Variants in FAM171A1 observed in about 807,000 individuals in gnomAD.
FAM171A1 encodes protein FAM171A1.
A neutral mutation model predicts 74.9 loss-of-function variants in FAM171A1; 23 were observed. That is an observed-to-expected ratio of 0.31 (90% CI 0.22 to 0.44). The LOEUF is 0.44. FAM171A1 is among the 20% of genes least tolerant of loss of function. The probability of loss-of-function intolerance (pLI) is 1.00; values close to 1 mark genes in which losing one functional copy is unlikely to be tolerated. For synonymous variants in FAM171A1, 527 were observed against 505.7 expected (o/e 1.04, Z -0.57); for missense variants, 1,162 against 1,159.2 (o/e 1.00, Z -0.03).
chr10:15,266,693 C>G (rs1026516865), intron 3 of FAM171A1, among the ~76,000 whole-genome samples: 5 of 151,742 alleles, frequency 3.3e-5, no homozygotes, highest in Admixed American at 1.3e-4. Flanking sequence ...TAGCGAGACC[C>G]CCGTCTCTAC....
rs201423446 is a variant in FAM171A1 at position 15,214,517 on chromosome 10, C to T, written c.1071G>A (p.Thr357=). 2.7e-5 allele frequency: 43 copies of T among 1,614,196 alleles called. No individual in the cohort carries two copies. The highest frequency in any genetic ancestry group is 1.6e-4 in the Middle Eastern group (1 of 6,062). Residue 357 remains threonine, a synonymous_variant, in exon 8 of 8, where the codon ACG becomes ACA. Coordinates refer to ENST00000378116, the MANE Select transcript of FAM171A1 (RefSeq NM_001010924.2). ...ACAGCAAGTTAATGTGTGACATGGA[C>T]GTGGACTGGTCTCTTTTGGAACTCT... ...GLESSKRDQS[T]SMSHINLLFS...
intron 1 of FAM171A1, among the ~76,000 whole-genome samples, chr10:15,363,250 G>A (rs1002487233): frequency 6.6e-6 from 1 of 152,210 alleles, no homozygotes; most frequent in Non-Finnish European, 1.5e-5. Flanking sequence ...CGGGCAAAAG[G>A]GACATACTTC....
intron 1 of FAM171A1, among the ~76,000 whole-genome samples, chr10:15,331,854 T>C (rs1835638495): frequency 5.0e-5 from 1 of 20,086 alleles, no homozygotes; most frequent in Non-Finnish European, 8.8e-5. Context: ...TGTATATATA[T>C]GTGTGTATAT....
intron 2 of FAM171A1, among the ~76,000 whole-genome samples, chr10:15,283,014 G>A (rs758370080): frequency 1.3e-5 from 2 of 152,200 alleles, no homozygotes; most frequent in African/African-American, 2.4e-5. Flanking sequence ...TGGTGTCCCA[G>A]CAGCAATTTG....
At chr10:15,371,935 GAA>G (rs1262357818), upstream of FAM171A1, among the ~76,000 whole-genome samples, 4 of 152,174 alleles carry the variant, frequency 2.6e-5, no homozygotes, top group Non-Finnish European at 4.4e-5. Flanking sequence ...AATACAGCAG[GAA>G]CAAGTGGGGA....
chr10:15,283,573 T>G (rs1257823606), intron 2 of FAM171A1, among the ~76,000 whole-genome samples: 1 of 152,086 alleles, frequency 6.6e-6, no homozygotes, highest in Non-Finnish European at 1.5e-5. Flanking sequence ...AATCTGTATG[T>G]TTTTATTTAT....
rs116093419 is a variant in FAM171A1, at chr10:15,254,066, C to T, written c.577+655G>A. Among the ~76,000 whole-genome samples, 441 of 152,328 alleles carry T rather than the reference C, an allele frequency of 2.9e-3. 4 individuals carry two copies. Among genetic ancestry groups the T allele is most frequent in the African/African-American group, 0.01 (418 of 41,582 alleles). The stretch of plus-strand genomic sequence containing the variant: ...TGCCAGGAGAGGGCGGATTCTAAAG[C>T]AAATTCAAAGCCTGGCCACTCTATG... On this transcript the variant is annotated intron_variant, in intron 4 of 7. Coordinates refer to ENST00000378116, the MANE Select transcript of FAM171A1 (RefSeq NM_001010924.2).
intron 3 of FAM171A1, among the ~76,000 whole-genome samples, chr10:15,260,302 C>T (rs1834639306): frequency 6.6e-6 from 1 of 152,164 alleles, no homozygotes; most frequent in African/African-American, 2.4e-5. Context: ...TGTCCTGTAT[C>T]ATAATTATTT....
In FAM171A1 at chr10:15,212,842, A is replaced by G. The variant is rs1833908144; in HGVS notation, c.*73T>C. The G allele has an allele frequency of 1.3e-6, 2 of 1,566,414 alleles. No homozygotes were observed. Among genetic ancestry groups the G allele is most frequent in the East Asian group, 4.5e-5 (2 of 44,656 alleles). On this transcript the variant is annotated 3_prime_UTR_variant, in exon 8 of 8. Transcript: ENST00000378116. ...GGGCTGCCGTTCCGTTTCCTCCACGAACGGGTACGCGCTTCCATGAGAAAG... is the reference window on the plus strand; with the variant it reads ...GGGCTGCCGTTCCGTTTCCTCCACGGACGGGTACGCGCTTCCATGAGAAAG...
At chr10:15,233,062 A>G (rs946170420) in intron 5 of FAM171A1, among the ~76,000 whole-genome samples, 20 of 152,222 alleles carry the variant, frequency 1.3e-4, no homozygotes, top group African/African-American at 4.8e-4. Context: ...TGGGAGGCTG[A>G]GGCAGGCAGA....
chr10:15,333,084 C>A (rs1461273181), intron 1 of FAM171A1, among the ~76,000 whole-genome samples: 1 of 152,198 alleles, frequency 6.6e-6, no homozygotes, highest in African/African-American at 2.4e-5. Context: ...TCCTGGAAGT[C>A]CACAGCTACT....
Position 15,371,060 on chromosome 10 carries a change from G to A in FAM171A1, c.-8C>T, listed in dbSNP as rs1376642795. On this transcript the variant is annotated 5_prime_UTR_variant, in exon 1 of 8. Transcript: ENST00000378116. The stretch of plus-strand genomic sequence containing the variant: ...CGTCGCGGACCTGCTCATCTCCGCC[G>A]CGGGGCCGGCGGCGGCTCGGGCTCG... The A allele has an allele frequency of 9.3e-7, 1 of 1,080,150 alleles. No homozygotes were observed. Among genetic ancestry groups the A allele is most frequent in the African/African-American group, 1.7e-5 (1 of 58,584 alleles). 66.9% of individuals were successfully genotyped at this position (1,080,150 alleles called of 1,614,324 possible). A position where few individuals can be genotyped will look rare whatever the true frequency, so the allele number is the denominator to read the frequency against.
At chr10:15,283,509 G>A (rs752449408) in intron 2 of FAM171A1, among the ~76,000 whole-genome samples, 3 of 152,172 alleles carry the variant, frequency 2.0e-5, no homozygotes, top group Admixed American at 6.5e-5. Flanking sequence ...GGGGAGAGGC[G>A]TTTGCTCGTT....
intron 3 of FAM171A1, among the ~76,000 whole-genome samples, chr10:15,267,480 G>A (rs540334017): frequency 6.6e-6 from 1 of 152,150 alleles, no homozygotes; most frequent in East Asian, 1.9e-4. Flanking sequence ...GCACGTGTGT[G>A]TAGTCCCAGC....
At chr10:15,308,912 C>T (rs553053769) in intron 1 of FAM171A1, among the ~76,000 whole-genome samples, 3 of 151,828 alleles carry the variant, frequency 2.0e-5, no homozygotes, top group East Asian at 2.0e-4. Context: ...GTGATCCACC[C>T]GCCTCAGCCT....
intron 2 of FAM171A1, among the ~76,000 whole-genome samples, chr10:15,278,048 G>A (rs1486928574): frequency 1.3e-5 from 2 of 152,096 alleles, no homozygotes; most frequent in Non-Finnish European, 2.9e-5. Context: ...GAGCCACCGT[G>A]CCCGGGTAAG....
chr10:15,280,337 G>A (rs1834951669), intron 2 of FAM171A1, among the ~76,000 whole-genome samples: 1 of 152,202 alleles, frequency 6.6e-6, no homozygotes, highest in African/African-American at 2.4e-5. Context: ...ATACACAAAT[G>A]CTCAGTCATA....
intron 3 of FAM171A1, among the ~76,000 whole-genome samples, chr10:15,259,505 T>A (rs751003928): frequency 2.6e-5 from 4 of 152,142 alleles, no homozygotes; most frequent in Non-Finnish European, 5.9e-5. Context: ...CAACTGCACC[T>A]CTTCTCTAAA....
At chr10:15,350,499 G>A (rs1199334108) in intron 1 of FAM171A1, among the ~76,000 whole-genome samples, 5 of 151,356 alleles carry the variant, frequency 3.3e-5, no homozygotes, top group Admixed American at 2.6e-4. Context: ...GTGCCACCAC[G>A]CCCAGCTAAT....
Sources: allele counts gnomAD v4.1 joint callset (sites outside exome capture counted in the v4.1 genomes callset), GRCh38; gene constraint gnomAD v4.1.1; transcripts MANE v1.5; gene names NCBI Gene and HGNC (gene_info 2026-07-23, HGNC 2026-07-21).